Variants in CTNNA2 observed in about 807,000 individuals in gnomAD.
CTNNA2 encodes the protein catenin alpha-2.
In CTNNA2, 42 loss-of-function variants were observed where a neutral mutation model predicts 101.0. The observed-to-expected ratio is 0.42, with a 90% CI of 0.32 to 0.54. The LOEUF (loss-of-function observed/expected upper bound fraction) is 0.54, where lower values mean the gene tolerates loss of function less well. CTNNA2 is among the 20% of genes least tolerant of loss of function. The pLI, the probability that CTNNA2 is intolerant of heterozygous loss-of-function variation, is 0.14. For missense variants in CTNNA2, 871 were observed against 1,223.1 expected (o/e 0.71, Z 4.29); for synonymous variants, 450 against 456.4 (o/e 0.99, Z 0.18).
At chr2:80,073,340 G>A (rs1020105397) in intron 7 of CTNNA2, among the ~76,000 whole-genome samples, 2 of 152,162 alleles carry the variant, frequency 1.3e-5, no homozygotes, top group Non-Finnish European at 2.9e-5. Context: ...AAGCGCAGAG[G>A]TCCCAGTTCA....
At chr2:80,420,270 C>T (rs928732109) in intron 9 of CTNNA2, among the ~76,000 whole-genome samples, 8 of 151,782 alleles carry the variant, frequency 5.3e-5, no homozygotes, top group African/African-American at 1.7e-4. Context: ...GAGCTGAAAA[C>T]GAACAGCCTG....
In CTNNA2 at chr2:79,782,675, A is replaced by G. The variant is rs1443964748; in HGVS notation, c.298+38093A>G. On this transcript the variant is annotated intron_variant, in intron 3 of 18. Transcript: ENST00000402739. ...GTCTTCCTGCTTGGGCAGGATGCCTAAGTACTTAATTGTTCGGTCTCTACA... is the reference window on the plus strand; with the variant it reads ...GTCTTCCTGCTTGGGCAGGATGCCTGAGTACTTAATTGTTCGGTCTCTACA... 3.3e-4 allele frequency among the ~76,000 whole-genome samples: 50 copies of G among 152,166 alleles called. 1 individual carries two copies. Among genetic ancestry groups the G allele is most frequent in the Admixed American group, 3.3e-3 (50 of 15,264 alleles).
intron 6 of CTNNA2, among the ~76,000 whole-genome samples, chr2:79,876,074 A>G (rs1179406903): frequency 6.6e-6 from 1 of 152,176 alleles, no homozygotes; most frequent in Non-Finnish European, 1.5e-5. Context: ...ATTGAGGGAC[A>G]AGTTTTACTT....
intron 7 of CTNNA2, among the ~76,000 whole-genome samples, chr2:80,350,043 G>A (rs1673138271): frequency 6.6e-6 from 1 of 152,078 alleles, no homozygotes; most frequent in Non-Finnish European, 1.5e-5. Context: ...AAAATACAAT[G>A]GAGTATGAAT....
intron 2 of CTNNA2, among the ~76,000 whole-genome samples, chr2:79,731,271 A>G (rs908247127): frequency 2.2e-4 from 34 of 152,066 alleles, no homozygotes; most frequent in Non-Finnish European, 4.4e-4. Context: ...TGTTTCAACG[A>G]TGATTTTGAT....
intron 8 of CTNNA2, among the ~76,000 whole-genome samples, chr2:80,397,299 C>G (rs1038842545): frequency 3.3e-5 from 5 of 152,134 alleles, no homozygotes; most frequent in Non-Finnish European, 5.9e-5. Context: ...TAAGTTATCT[C>G]CATGTATTGA....
At chr2:80,572,139 C>G (rs1245235030) in intron 12 of CTNNA2, among the ~76,000 whole-genome samples, 1 of 152,006 alleles carries the variant, frequency 6.6e-6, no homozygotes, top group Non-Finnish European at 1.5e-5. Flanking sequence ...AGAAGGGTAC[C>G]ATTGTGTCTG....
chr2:80,165,340 T>A (rs1425183098), intron 7 of CTNNA2, among the ~76,000 whole-genome samples: 2 of 152,036 alleles, frequency 1.3e-5, no homozygotes, highest in Non-Finnish European at 2.9e-5. Context: ...CTTTCCTCCA[T>A]CTCTTCTATT....
rs1672797122 is a variant in CTNNA2 at position 80,635,670 on chromosome 2, T to C, written c.2575-11915T>C. Among the ~76,000 whole-genome samples the C allele has an allele frequency of 1.3e-5, 2 of 152,204 alleles. 1 individual carries two copies. The highest frequency in any genetic ancestry group is 4.1e-4 in the South Asian group (2 of 4,830). On this transcript the variant is annotated intron_variant, in intron 18 of 18. Coordinates refer to ENST00000402739, the MANE Select transcript of CTNNA2 (RefSeq NM_001282597.3). ...TGCACAGGTGACATGAGTCAAATCA[T>C]AGCCCTCTCCTGTGCAGTTCTGTTA...
At chr2:79,775,439 T>C (rs914912607) in intron 3 of CTNNA2, among the ~76,000 whole-genome samples, 2 of 152,194 alleles carry the variant, frequency 1.3e-5, no homozygotes, top group African/African-American at 4.8e-5. Flanking sequence ...TCAAAGCATA[T>C]TGGAACTTAA....
chr2:79,580,744 T>C (rs1217519977), intron 1 of CTNNA2, among the ~76,000 whole-genome samples: 1 of 152,216 alleles, frequency 6.6e-6, no homozygotes, highest in Non-Finnish European at 1.5e-5. Flanking sequence ...CTTTTTCTTA[T>C]GTGAAGAAGA....
chr2:79,702,458 G>GA (rs970957335), intron 2 of CTNNA2, among the ~76,000 whole-genome samples: 1 of 151,978 alleles, frequency 6.6e-6, no homozygotes, highest in African/African-American at 2.4e-5. Flanking sequence ...GCCTTTTACA[G>GA]AAAAAAAAGT....
chr2:79,842,529 C>A (rs544346025), intron 3 of CTNNA2, among the ~76,000 whole-genome samples: 1 of 152,302 alleles, frequency 6.6e-6, no homozygotes, highest in South Asian at 2.1e-4. Context: ...GTCATCTCCA[C>A]TCCCTTGTGT....
At chr2:79,510,861 G>A (rs1671519703), upstream of CTNNA2, among the ~76,000 whole-genome samples, 1 of 152,082 alleles carries the variant, frequency 6.6e-6, no homozygotes, top group African/African-American at 2.4e-5. Flanking sequence ...CAACAAACAA[G>A]ACAAATCTCA....
At chr2:80,193,547 T>G (rs1451110319) in intron 7 of CTNNA2, among the ~76,000 whole-genome samples, 2 of 152,216 alleles carry the variant, frequency 1.3e-5, no homozygotes, top group Non-Finnish European at 2.9e-5. Context: ...TTCACAGAAC[T>G]AATAAGAAAA....
Position 80,302,804 on chromosome 2 carries a change from T to G in CTNNA2, c.1057-90407T>G. On this transcript the variant is annotated intron_variant, in intron 7 of 18. Coordinates refer to ENST00000402739, the MANE Select transcript of CTNNA2 (RefSeq NM_001282597.3). The surrounding 1 kb of genome is among the most constrained non-coding windows in gnomAD (Gnocchi z 6.4). Reference sequence around the variant, plus strand: ...GTACTCCGGGCTGGCGCACTGCAAGTTGCCATCGTAGCGCCCCTGGAAGTT... The same window carrying G: ...GTACTCCGGGCTGGCGCACTGCAAGGTGCCATCGTAGCGCCCCTGGAAGTT... 1.2e-6 allele frequency: 2 copies of G among 1,613,838 alleles called. No individual in the cohort carries two copies. The highest frequency in any genetic ancestry group is 1.1e-5 in the South Asian group (1 of 91,070).
At chr2:79,527,226 A>T (rs1672460470) in intron 1 of CTNNA2, among the ~76,000 whole-genome samples, 1 of 152,138 alleles carries the variant, frequency 6.6e-6, no homozygotes, top group South Asian at 2.1e-4. Context: ...ATTTCTCCAA[A>T]GAAGATATAC....
intron 3 of CTNNA2, among the ~76,000 whole-genome samples, chr2:79,748,867 C>T (rs1671814949): frequency 6.6e-6 from 1 of 152,094 alleles, no homozygotes; most frequent in Middle Eastern, 3.4e-3. Flanking sequence ...TAAAAAAATA[C>T]TGGAGTAGGT....
At chr2:80,494,903 G>A (rs1021733756) in intron 9 of CTNNA2, among the ~76,000 whole-genome samples, 7 of 152,168 alleles carry the variant, frequency 4.6e-5, no homozygotes, top group African/African-American at 1.7e-4. Context: ...CAAGGAGTCA[G>A]AATCAGATAT....
Sources: allele counts gnomAD v4.1 joint callset (sites outside exome capture counted in the v4.1 genomes callset), GRCh38; gene constraint gnomAD v4.1.1; non-coding constraint Gnocchi (gnomAD v3.1); transcripts MANE v1.5; gene names NCBI Gene and HGNC (gene_info 2026-07-23, HGNC 2026-07-21).